Variants in MVP observed in about 807,000 individuals in gnomAD.
The protein encoded by MVP is major vault protein.
A neutral mutation model predicts 83.5 loss-of-function variants in MVP; 62 were observed. The observed-to-expected ratio is 0.74, with a 90% CI of 0.61 to 0.92. The LOEUF is 0.92. Among genes scored for constraint, MVP ranks in the 40% least tolerant of loss-of-function variants. The pLI, the probability that MVP is intolerant of heterozygous loss-of-function variation, is 0.00. For missense variants in MVP, 1,000 were observed against 1,203.4 expected (o/e 0.83, Z 2.50); for synonymous variants, 505 against 504.1 (o/e 1.00, Z -0.02).
At chr16:29,824,076 T>C (rs148686274) in intron 1 of MVP, among the ~76,000 whole-genome samples, 2 of 150,500 alleles carry the variant, frequency 1.3e-5, no homozygotes, top group East Asian at 3.9e-4. Context: ...ATTATCTGGG[T>C]GTGGTGGCGG....
At position 29,830,594 on chromosome 16, in the gene MVP, T is replaced by C; in HGVS notation, c.45T>C (p.Tyr15=). 3.7e-6 allele frequency: 6 copies of C among 1,613,962 alleles called. No individual in the cohort carries two copies. Among genetic ancestry groups the C allele is most frequent in the Non-Finnish European group, 2.5e-6 (3 of 1,179,980 alleles). Residue 15 remains tyrosine, a synonymous_variant, in exon 2 of 15, where the codon TAT becomes TAC. Transcript: ENST00000357402. ...TCATCCGCATCCCCCCATACCACTA[T>C]ATCCATGTGCTGGACCAGAACAGCA... ...EFIIRIPPYH[Y]IHVLDQNSNV... is the part of the protein sequence containing the mutation.
chr16:29,841,519 T>C lies in MVP; in HGVS notation c.1192-77T>C. The C allele has an allele frequency of 6.7e-7, 1 of 1,500,984 alleles. No homozygotes were observed. The highest frequency in any genetic ancestry group is 8.9e-7 in the Non-Finnish European group (1 of 1,125,352). The allele number at this position is 1,500,984 out of a possible 1,614,324, so 93.0% of individuals were successfully genotyped here. On this transcript the variant is annotated intron_variant, in intron 8 of 14. Coordinates refer to ENST00000357402, the MANE Select transcript of MVP (RefSeq NM_005115.5). This position sits in a 1 kb window ranked among gnomAD's most constrained non-coding sequence, Gnocchi z 4.7. ...CGTGGCGCGCCTTCCCTGGATGGGC[T>C]CTGCTTTGGGACAGCTGGGCGGATC...
rs1393352837 is a variant in MVP at position 29,835,829 on chromosome 16, A to G, written c.672+31A>G. 3.1e-6 allele frequency: 5 copies of G among 1,594,154 alleles called. No individual in the cohort carries two copies. The African/African-American group carries it at 6.7e-5, about 21-fold the overall frequency. On this transcript the variant is annotated intron_variant, in intron 6 of 14. Coordinates refer to ENST00000357402, the MANE Select transcript of MVP (RefSeq NM_005115.5). ...TGCTCTGGGGGCTGTGGTTTAAGGG[A>G]CCTGGGGCTAGGGAACCCTCCGAGT...
chr16:29,835,574 T>C (rs1489444898), intron 5 of MVP, 130 bp from the exon 6 acceptor site: 7 of 589,414 alleles, frequency 1.2e-5, no homozygotes, highest in Non-Finnish European at 2.0e-5. Flanking sequence ...AGTCAGGAAC[T>C]TGAGCCTGGG....
intron 7 of MVP, among the ~76,000 whole-genome samples, chr16:29,838,741 C>T (rs993367296): frequency 6.6e-6 from 1 of 152,090 alleles, no homozygotes; most frequent in African/African-American, 2.4e-5. Flanking sequence ...GTGGGAAAAT[C>T]GCTTGACCCC....
intron 1 of MVP, among the ~76,000 whole-genome samples, chr16:29,825,544 G>T (rs967474488): frequency 6.6e-6 from 1 of 152,202 alleles, no homozygotes; most frequent in African/African-American, 2.4e-5. Context: ...GGTGGTCTAG[G>T]CAGAAGGCCC....
intron 3 of MVP, chr16:29,831,595 A>G (rs1437790762): frequency 2.2e-6 from 1 of 456,120 alleles, no homozygotes; most frequent in East Asian, 6.9e-5. Flanking sequence ...CATGCCCCAA[A>G]CACACCTGCC....
chr16:29,836,592 AC>A (rs1040804122), intron 6 of MVP, 129 bp from the exon 7 acceptor site: 176 of 774,786 alleles, frequency 2.3e-4, no homozygotes, highest in Admixed American at 9.0e-4. Flanking sequence ...AAAAAAAAAA[AC>A]AATCCCTGGA....
Position 29,830,408 on chromosome 16 carries a change from G to A in MVP, c.-35-107G>A, listed in dbSNP as rs944666902. ...GGACAGGGAAGGGTGCAGTGGCCTG[G>A]CTGGAGGAGGTAGGGCCGTATCCCA... On this transcript the variant is annotated intron_variant, in intron 1 of 14. Transcript: ENST00000357402. 12 of 924,218 alleles carry A rather than the reference G, an allele frequency of 1.3e-5. No homozygotes were observed. In the African/African-American group the frequency reaches 1.8e-4, roughly 14 times the overall value. The allele number at this position is 924,218 out of a possible 1,614,324, so 57.3% of individuals were successfully genotyped here.
intron 7 of MVP, among the ~76,000 whole-genome samples, chr16:29,839,575 G>A (rs1567393248): frequency 1.3e-5 from 2 of 151,858 alleles, no homozygotes; most frequent in South Asian, 2.1e-4. Context: ...TTGAGTCTAG[G>A]ACTTTGAGAC....
At chr16:29,826,519 C>T (rs751378801) in intron 1 of MVP, among the ~76,000 whole-genome samples, 50 of 149,584 alleles carry the variant, frequency 3.3e-4, no homozygotes, top group Non-Finnish European at 6.8e-4. Context: ...CCCAGCTACT[C>T]GGGAGGCTGA....
chr16:29,833,147 T>C (rs1596915928), intron 3 of MVP, among the ~76,000 whole-genome samples: 2 of 151,972 alleles, frequency 1.3e-5, no homozygotes, highest in South Asian at 4.1e-4. Flanking sequence ...AAGGATCACA[T>C]GAGCCTGGGA....
chr16:29,830,801 TTCTC>T, intron 2 of MVP, 73 bp from the exon 3 acceptor site: 2 of 1,547,578 alleles, frequency 1.3e-6, no homozygotes, highest in Non-Finnish European at 1.8e-6. Flanking sequence ...ATAGAGAGGT[TTCTC>T]TCTCATTTGG....
chr16:29,825,711 C>A (rs894961785), intron 1 of MVP, among the ~76,000 whole-genome samples: 1 of 152,214 alleles, frequency 6.6e-6, no homozygotes, highest in Admixed American at 6.5e-5. Flanking sequence ...GGCATTCAGA[C>A]CCCCTGACTG....
intron 10 of MVP, among the ~76,000 whole-genome samples, chr16:29,842,525 G>T (rs1049541501): frequency 6.6e-6 from 1 of 151,958 alleles, no homozygotes; most frequent in African/African-American, 2.4e-5. Context: ...GGCTGGTCTC[G>T]AACTCCTGAC....
In MVP at chr16:29,844,609, CCT is replaced by C; in HGVS notation, c.1754_1755del (p.Ser585CysfsTer5). ...GCATCCCGGGTGCGGGGGGCCGTGG[CCT>C]CTGTCACTTTCGATGACTTCCATAA... On this transcript the variant is annotated frameshift_variant, in exon 11 of 15. Transcript: ENST00000357402. LOFTEE classifies it high-confidence loss of function. 6.2e-7 allele frequency: 1 copy of C among 1,613,942 alleles called. No individual in the cohort carries two copies.
intron 10 of MVP, among the ~76,000 whole-genome samples, chr16:29,842,793 A>G (rs1437696310): frequency 6.6e-6 from 1 of 152,220 alleles, no homozygotes; most frequent in Non-Finnish European, 1.5e-5. Flanking sequence ...ACGCAAATCC[A>G]GGGAAGGCGT....
chr16:29,845,144 C>T (rs998027160), intron 11 of MVP, among the ~76,000 whole-genome samples: 2 of 150,682 alleles, frequency 1.3e-5, no homozygotes, highest in African/African-American at 2.5e-5. Flanking sequence ...GCCATGATTG[C>T]GCCACTGCAC....
Position 29,847,761 on chromosome 16 carries a change from G to A in MVP, c.2455-1G>A. 6.2e-7 allele frequency: 1 copy of A among 1,613,990 alleles called. No individual in the cohort carries two copies. ...AACTTCCTCCTGTTCTCACCCTCCAGGTAAAACTGCTCCAGTCCCTGGGCC... is the reference window on the plus strand; with the variant it reads ...AACTTCCTCCTGTTCTCACCCTCCAAGTAAAACTGCTCCAGTCCCTGGGCC... On this transcript the variant is annotated splice_acceptor_variant, in intron 14 of 14. Transcript: ENST00000357402. LOFTEE classifies it high-confidence loss of function.
Sources: gnomAD v4.1 joint callset for allele counts (sites outside exome capture counted in the v4.1 genomes callset) on GRCh38, gnomAD v4.1.1 for gene constraint, Gnocchi (gnomAD v3.1) non-coding constraint, MANE v1.5 for transcripts, NCBI Gene and HGNC (gene_info 2026-07-23, HGNC 2026-07-21) for gene names.